GALNT13: variants seen among roughly 807,000 people sequenced by gnomAD.
The protein encoded by GALNT13 is polypeptide N-acetylgalactosaminyltransferase 13.
Under a neutral mutation model 64.2 loss-of-function variants are expected in GALNT13, and 28 were observed. That is an observed-to-expected ratio of 0.44 (90% CI 0.32 to 0.60). The LOEUF (loss-of-function observed/expected upper bound fraction) is 0.60. Among genes scored for constraint, GALNT13 ranks in the 20% least tolerant of loss-of-function variants. The pLI, the probability that GALNT13 is intolerant of heterozygous loss-of-function variation, is 0.05. For synonymous variants in GALNT13, 214 were observed against 224.6 expected (o/e 0.95, Z 0.42); for missense variants, 577 against 669.8 (o/e 0.86, Z 1.53).
the GALNT13 span, among the ~76,000 whole-genome samples, chr2:153,783,408 T>TGCG: frequency 7.1e-6 from 1 of 139,920 alleles, no homozygotes; most frequent in South Asian, 2.2e-4. Context: ...GTTTTTTTGT[T>TGCG]GTTGTTTGTT....
At chr2:154,020,288 A>G (rs1348933822) in intron 3 of GALNT13, among the ~76,000 whole-genome samples, 1 of 152,154 alleles carries the variant, frequency 6.6e-6, no homozygotes, top group Non-Finnish European at 1.5e-5. Context: ...GACTTCCACA[A>G]TGGTTGAACT....
chr2:154,156,158 T>C (rs996639723), intron 4 of GALNT13, among the ~76,000 whole-genome samples: 3 of 152,016 alleles, frequency 2.0e-5, no homozygotes, highest in Non-Finnish European at 4.4e-5. Context: ...TAGTTAATTT[T>C]CTAAGATAGT....
chr2:153,755,706 C>A, the GALNT13 span, among the ~76,000 whole-genome samples: 1 of 152,076 alleles, frequency 6.6e-6, no homozygotes, highest in African/African-American at 2.4e-5. Context: ...TGTCTCTTCA[C>A]TCTGTTAATT....
chr2:153,695,486 G>A, the GALNT13 span, among the ~76,000 whole-genome samples: 2,640 of 152,180 alleles, frequency 0.017, 75 homozygotes, highest in African/African-American at 0.06. Flanking sequence ...AATATTTCAG[G>A]AATGATTATT....
the GALNT13 span, among the ~76,000 whole-genome samples, chr2:153,702,298 G>C: frequency 2.0e-5 from 3 of 152,012 alleles, no homozygotes; most frequent in African/African-American, 4.8e-5. Flanking sequence ...TGAACAATGA[G>C]AACACATGAA....
chr2:153,640,609 T>G, the GALNT13 span, among the ~76,000 whole-genome samples: 1 of 152,024 alleles, frequency 6.6e-6, no homozygotes, highest in Non-Finnish European at 1.5e-5. Flanking sequence ...TGAGACCTAA[T>G]TTTTTTCTAC....
chr2:153,541,858 T>C, the GALNT13 span, among the ~76,000 whole-genome samples: 4 of 152,230 alleles, frequency 2.6e-5, no homozygotes, highest in African/African-American at 9.6e-5. Flanking sequence ...TCTTTGGGCC[T>C]TCATTCTGAA....
chr2:153,484,020 A>G, the GALNT13 span, among the ~76,000 whole-genome samples: 1 of 152,174 alleles, frequency 6.6e-6, no homozygotes, highest in African/African-American at 2.4e-5. Context: ...AAATTGTTAA[A>G]ATAGTTTTAT....
At chr2:153,882,457 C>T (rs2105241557) in intron 1 of GALNT13, among the ~76,000 whole-genome samples, 1 of 152,210 alleles carries the variant, frequency 6.6e-6, no homozygotes, top group South Asian at 2.1e-4. Context: ...TAGCAAGGGA[C>T]AGCAAGGGCA....
chr2:153,805,370 T>A, the GALNT13 span, among the ~76,000 whole-genome samples: 2 of 152,086 alleles, frequency 1.3e-5, no homozygotes, highest in Non-Finnish European at 2.9e-5. Context: ...GAAATTAAAA[T>A]GTGAGCCGCT....
At chr2:153,499,992 C>T in the GALNT13 span, among the ~76,000 whole-genome samples, 1 of 152,162 alleles carries the variant, frequency 6.6e-6, no homozygotes, top group Admixed American at 6.5e-5. Context: ...CACCAGCTCC[C>T]TGGAGTGCAC....
intron 3 of GALNT13, 90 bp from the exon 4 acceptor site, chr2:154,140,247 C>T: frequency 1.1e-6 from 1 of 926,148 alleles, no homozygotes; most frequent in Non-Finnish European, 1.6e-6. Flanking sequence ...AAATAATATG[C>T]TTCAGAATCT....
the GALNT13 span, among the ~76,000 whole-genome samples, chr2:153,702,777 G>A: frequency 6.6e-6 from 1 of 152,130 alleles, no homozygotes; most frequent in African/African-American, 2.4e-5. Context: ...AACCAAGCAG[G>A]AAGGTTAATA....
At chr2:154,219,422 C>A (rs1461755908) in intron 4 of GALNT13, among the ~76,000 whole-genome samples, 1 of 152,054 alleles carries the variant, frequency 6.6e-6, no homozygotes, top group African/African-American at 2.4e-5. Flanking sequence ...AATCTCCTTA[C>A]CTTTCTCCAT....
chr2:153,845,838 G>T, the GALNT13 span, among the ~76,000 whole-genome samples: 1 of 151,864 alleles, frequency 6.6e-6, no homozygotes, highest in South Asian at 2.1e-4. Flanking sequence ...CCAAACACAA[G>T]TTGTAGAAGT....
the GALNT13 span, among the ~76,000 whole-genome samples, chr2:153,568,710 C>T: frequency 2.0e-5 from 3 of 152,128 alleles, no homozygotes; most frequent in Non-Finnish European, 4.4e-5. Flanking sequence ...AATACACCTG[C>T]ATAACCACAG....
chr2:154,270,710 T>A (rs1221132774), intron 8 of GALNT13, among the ~76,000 whole-genome samples: 1 of 151,896 alleles, frequency 6.6e-6, no homozygotes, highest in Non-Finnish European at 1.5e-5. Flanking sequence ...CTGAACCTTT[T>A]TTTTTCTTCA....
intron 3 of GALNT13, among the ~76,000 whole-genome samples, chr2:154,092,769 C>T (rs917095482): frequency 1.1e-4 from 16 of 151,864 alleles, no homozygotes; most frequent in African/African-American, 3.4e-4. Context: ...TGAAGGAGCA[C>T]GTTATTTGCA....
chr2:153,346,430 A>C, the GALNT13 span, among the ~76,000 whole-genome samples: 1 of 152,190 alleles, frequency 6.6e-6, no homozygotes, highest in Non-Finnish European at 1.5e-5. Context: ...CAAGGGCTGC[A>C]CTGACAGTCC....
Sources: gnomAD v4.1 joint callset for allele counts (sites outside exome capture counted in the v4.1 genomes callset) on GRCh38, gnomAD v4.1.1 for gene constraint, MANE v1.5 for transcripts, NCBI Gene and HGNC (gene_info 2026-07-23, HGNC 2026-07-21) for gene names.